The following TSPAN9 variants were observed in gnomAD, a reference collection of about 807,000 sequenced individuals.
TSPAN9 encodes the protein tetraspanin-9.
A neutral mutation model predicts 31.0 loss-of-function variants in TSPAN9; 16 were observed. The ratio of observed to expected loss-of-function variants is 0.52; its 90% CI spans 0.35 to 0.78. The LOEUF (loss-of-function observed/expected upper bound fraction) is 0.78, where lower values mean the gene tolerates loss of function less well. TSPAN9 is among the 30% of genes least tolerant of loss of function. The probability of loss-of-function intolerance (pLI) is 0.01; values close to 1 mark genes in which losing one functional copy is unlikely to be tolerated. For missense variants in TSPAN9, 272 were observed against 312.5 expected (o/e 0.87, Z 0.98); for synonymous variants, 145 against 121.6 (o/e 1.19, Z -1.27).
intron 2 of TSPAN9, among the ~76,000 whole-genome samples, chr12:3,096,920 G>A (rs1229568231): frequency 6.6e-6 from 1 of 152,038 alleles, no homozygotes; most frequent in Admixed American, 6.5e-5. Context: ...GGATGGTCTC[G>A]ATCTTCTCAC....
intron 2 of TSPAN9, among the ~76,000 whole-genome samples, chr12:3,152,366 C>T (rs1167457472): frequency 6.6e-6 from 1 of 152,216 alleles, no homozygotes; most frequent in Non-Finnish European, 1.5e-5. Context: ...GGCATCCCAC[C>T]GGCCCCTCTT....
chr12:3,201,580 G>A (rs542518492), intron 3 of TSPAN9, among the ~76,000 whole-genome samples: 45 of 152,330 alleles, frequency 3.0e-4, no homozygotes, highest in Admixed American at 2.7e-3. Context: ...TGGGCAGCCT[G>A]CAGTAATGGC....
At chr12:3,220,145 C>CAAAAAAAAAAAAAAAAAAAAAAAAAAAAA (rs55735802) in intron 3 of TSPAN9, among the ~76,000 whole-genome samples, 14 of 137,360 alleles carry the variant, frequency 1.0e-4, no homozygotes, top group African/African-American at 2.0e-4. Flanking sequence ...AACTCTGTCT[C>CAAAAAAAAAAAAAAAAAAAAAAAAAAAAA]AAAAAAAAAA....
intron 2 of TSPAN9, among the ~76,000 whole-genome samples, chr12:3,133,053 G>T (rs1160524068): frequency 6.6e-6 from 1 of 152,194 alleles, no homozygotes; most frequent in African/African-American, 2.4e-5. Flanking sequence ...TATGTCTTTT[G>T]GGTGGGTTTA....
chr12:3,089,735 A>T (rs576442191), intron 2 of TSPAN9, among the ~76,000 whole-genome samples: 2 of 151,900 alleles, frequency 1.3e-5, no homozygotes, highest in East Asian at 3.9e-4. Flanking sequence ...ACATAGCAAG[A>T]TCCTGACTCT....
chr12:3,268,421 C>T (rs867425293), intron 3 of TSPAN9, among the ~76,000 whole-genome samples: 553 of 64,200 alleles, frequency 8.6e-3, no homozygotes, highest in African/African-American at 0.011. Flanking sequence ...GCCCTCCGTG[C>T]GTTCCTGCAG....
chr12:3,166,946 G>A (rs529646022), intron 2 of TSPAN9, among the ~76,000 whole-genome samples: 2 of 152,180 alleles, frequency 1.3e-5, no homozygotes, highest in East Asian at 3.9e-4. Flanking sequence ...ACAGGCATGC[G>A]CCACCACGCC....
At position 3,147,104 on chromosome 12, in the gene TSPAN9, TCC is replaced by T. The variant is rs2098337620; in HGVS notation, c.-17-54072_-17-54071del. Among the ~76,000 whole-genome samples the T allele has an allele frequency of 6.6e-6, 1 of 150,854 alleles. No individual in the cohort carries two copies. The highest frequency in any genetic ancestry group is 1.5e-5 in the Non-Finnish European group (1 of 67,420). On this transcript the variant is annotated intron_variant, in intron 2 of 8. Transcript: ENST00000011898. The surrounding 1 kb of genome is among the most constrained non-coding windows in gnomAD (Gnocchi z 4.3). ...AAAACTAGCATTCTCTCCCCTTTTCTCCTTACTTCCTTTCTGCAGGGTATGTA... is the reference window on the plus strand; with the variant it reads ...AAAACTAGCATTCTCTCCCCTTTTCTTTACTTCCTTTCTGCAGGGTATGTA...
chr12:3,134,998 C>T lies in TSPAN9; in HGVS notation c.-18+51279C>T, dbSNP rs138444988. On this transcript the variant is annotated intron_variant, in intron 2 of 8. Transcript: ENST00000011898. Reference sequence around the variant, plus strand: ...ATGGGGGAGTAGGGGAGAGACCACTCGGAGGTGCCTGCAGTCAGGGCTGGC... The same window carrying T: ...ATGGGGGAGTAGGGGAGAGACCACTTGGAGGTGCCTGCAGTCAGGGCTGGC... Among the ~76,000 whole-genome samples, 473 of 152,224 alleles carry T rather than the reference C, an allele frequency of 3.1e-3. 2 individuals carry two copies. The highest frequency in any genetic ancestry group is 0.011 in the South Asian group (52 of 4,818).
intron 2 of TSPAN9, 116 bp from the exon 3 acceptor site, chr12:3,201,061 G>A (rs1489747553): frequency 1.1e-6 from 1 of 948,028 alleles, no homozygotes; most frequent in Non-Finnish European, 1.6e-6. Context: ...ACGGCACCGC[G>A]GGCTCCCGGG....
chr12:3,254,747 T>G lies in TSPAN9; in HGVS notation c.64-23674T>G, dbSNP rs189793383. On this transcript the variant is annotated intron_variant, in intron 3 of 8. Coordinates refer to ENST00000011898, the MANE Select transcript of TSPAN9 (RefSeq NM_006675.5). The stretch of plus-strand genomic sequence containing the variant: ...TGGTTTGCACATGAACTGTGGGTCG[T>G]CAAGGGCTCTGTTTATGAGTATGCC... Among the ~76,000 whole-genome samples, 48 of 152,370 alleles carry G rather than the reference T, an allele frequency of 3.2e-4. No homozygotes were observed. In the East Asian group the frequency reaches 9.3e-3, roughly 29 times the overall value.
chr12:3,084,957 C>T (rs1158986848), intron 2 of TSPAN9, among the ~76,000 whole-genome samples: 1 of 152,232 alleles, frequency 6.6e-6, no homozygotes, highest in Admixed American at 6.5e-5. Flanking sequence ...CCTCCTCCCG[C>T]CTCCCTGGGG....
intron 2 of TSPAN9, among the ~76,000 whole-genome samples, chr12:3,109,092 C>T (rs867276945): frequency 3.1e-4 from 47 of 152,110 alleles, no homozygotes; most frequent in Non-Finnish European, 4.1e-4. Context: ...CTCGCCACCA[C>T]GCCCGGCTAA....
intron 3 of TSPAN9, among the ~76,000 whole-genome samples, chr12:3,243,966 G>T (rs150983334): frequency 6.6e-6 from 1 of 152,184 alleles, no homozygotes; most frequent in Admixed American, 6.5e-5. Flanking sequence ...GGGCTTACCC[G>T]CAGGGTCTTG....
At chr12:3,224,633 G>T (rs374424157) in intron 3 of TSPAN9, among the ~76,000 whole-genome samples, 1 of 152,224 alleles carries the variant, frequency 6.6e-6, no homozygotes. Context: ...GGCAGGATCC[G>T]CGTGGTTGAT....
chr12:3,155,596 T>TA (rs200148503), intron 2 of TSPAN9, among the ~76,000 whole-genome samples: 47,582 of 147,012 alleles, frequency 0.32, 9,121 homozygotes, highest in South Asian at 0.52. Context: ...CCTGTCTCTT[T>TA]AAAAAAAAAA....
chr12:3,135,673 C>A (rs1483604767), intron 2 of TSPAN9, among the ~76,000 whole-genome samples: 2 of 152,062 alleles, frequency 1.3e-5, no homozygotes, highest in African/African-American at 4.8e-5. Context: ...ATCAATTTCT[C>A]CCCCAGGTCC....
intron 3 of TSPAN9, among the ~76,000 whole-genome samples, chr12:3,263,319 C>T (rs954805233): frequency 6.6e-5 from 10 of 152,310 alleles, no homozygotes; most frequent in African/African-American, 1.4e-4. Context: ...TGACCTGGCC[C>T]GTTGGCAGCA....
intron 2 of TSPAN9, among the ~76,000 whole-genome samples, chr12:3,166,704 T>C (rs977875676): frequency 3.3e-5 from 5 of 152,362 alleles, no homozygotes; most frequent in Admixed American, 6.5e-5. Flanking sequence ...ACCTTGCACA[T>C]CACCCCCATT....
Sources: gnomAD v4.1 joint callset for allele counts (sites outside exome capture counted in the v4.1 genomes callset) on GRCh38, gnomAD v4.1.1 for gene constraint, Gnocchi (gnomAD v3.1) non-coding constraint, MANE v1.5 for transcripts, NCBI Gene and HGNC (gene_info 2026-07-23, HGNC 2026-07-21) for gene names.